ADSS2: variants seen among roughly 807,000 people sequenced by gnomAD.
ADSS2 encodes the protein adenylosuccinate synthetase isozyme 2.
ADSS2 carries 30 observed loss-of-function variants against 60.0 expected under a neutral mutation model. The observed-to-expected ratio is 0.50, with a 90% CI of 0.37 to 0.68. The LOEUF (loss-of-function observed/expected upper bound fraction) is 0.68, where lower values mean the gene tolerates loss of function less well. Among genes scored for constraint, ADSS2 ranks in the 30% least tolerant of loss-of-function variants. The pLI is 0.00. For missense variants in ADSS2, 373 were observed against 554.8 expected (o/e 0.67, Z 3.29); for synonymous variants, 187 against 193.1 (o/e 0.97, Z 0.26).
chr1:244,420,060 C>A, intron 8 of ADSS2, 110 bp downstream of exon 8: 1 of 1,171,252 alleles, frequency 8.5e-7, no homozygotes, highest in Non-Finnish European at 1.2e-6. Context: ...CCTGAATATA[C>A]AAGCTAAAAA....
chr1:244,439,987 C>T (rs1368526818), intron 1 of ADSS2, among the ~76,000 whole-genome samples: 1 of 152,170 alleles, frequency 6.6e-6, no homozygotes, highest in Admixed American at 6.5e-5. Flanking sequence ...CCTCGAAGCA[C>T]ACAGATTCTC....
In ADSS2 at chr1:244,424,021, C is replaced by T. The variant is rs757411387; in HGVS notation, c.513G>A (p.Ser171=). 1.7e-5 allele frequency: 28 copies of T among 1,613,282 alleles called. No individual in the cohort carries two copies. The highest frequency in any genetic ancestry group is 6.7e-5 in the Admixed American group (4 of 59,792). ...TTKKGIGPVY[S]SKAARSGLRM... ...TGAGTCCACTCCGAGCAGCTTTGGA[C>T]GAATAAACTGGGCCAATGCCCTTTT... Residue 171 remains serine, a synonymous_variant, in exon 6 of 13, where the codon TCG becomes TCA. Coordinates refer to ENST00000366535, the MANE Select transcript of ADSS2 (RefSeq NM_001126.5).
At chr1:244,414,927 CT>C (rs1215635832) in intron 11 of ADSS2, among the ~76,000 whole-genome samples, 2 of 152,242 alleles carry the variant, frequency 1.3e-5, no homozygotes, top group Non-Finnish European at 2.9e-5. Context: ...ATTGGCTGCA[CT>C]GTATTTCAAC....
At chr1:244,420,922 A>C (rs183192488) in intron 7 of ADSS2, among the ~76,000 whole-genome samples, 1 of 152,156 alleles carries the variant, frequency 6.6e-6, no homozygotes, top group Non-Finnish European at 1.5e-5. Flanking sequence ...GCTGTTCTCA[A>C]GTGATCCTCC....
chr1:244,420,139 C>A (rs765388497), intron 8 of ADSS2, 31 bp downstream of exon 8: 1 of 1,594,676 alleles, frequency 6.3e-7, no homozygotes, highest in Non-Finnish European at 8.6e-7. Context: ...CTCAGTTAAG[C>A]TCCCTTAACT....
chr1:244,451,621 C>G lies in ADSS2; in HGVS notation c.183+14G>C, dbSNP rs548684956. ...CCCGGGCCCGGCTTCCCATGAGAGG[C>G]CCCGTCGCCTCACCTGGCAGCGGCA... is the stretch of plus-strand genomic sequence containing the variant. On this transcript the variant is annotated intron_variant, in intron 1 of 12. Transcript: ENST00000366535. The surrounding 1 kb of genome is among the most constrained non-coding windows in gnomAD (Gnocchi z 6.6). The G allele has an allele frequency of 1.2e-6, 2 of 1,600,722 alleles. No individual in the cohort carries two copies. Among genetic ancestry groups the G allele is most frequent in the African/African-American group, 2.7e-5 (2 of 74,508 alleles).
intron 2 of ADSS2, 66 bp from the exon 3 acceptor site, chr1:244,436,959 C>T: frequency 7.3e-7 from 1 of 1,361,528 alleles, no homozygotes. Flanking sequence ...ACTTAAAGGA[C>T]ATTCTGATTT....
intron 1 of ADSS2, among the ~76,000 whole-genome samples, chr1:244,440,835 T>G (rs1665222106): frequency 6.6e-6 from 1 of 152,216 alleles, no homozygotes; most frequent in African/African-American, 2.4e-5. Flanking sequence ...TTTTAACAGT[T>G]GTATTTTACC....
At chr1:244,447,770 T>C (rs1665431600) in intron 1 of ADSS2, among the ~76,000 whole-genome samples, 1 of 152,194 alleles carries the variant, frequency 6.6e-6, no homozygotes, top group Non-Finnish European at 1.5e-5. Flanking sequence ...ATGCCACCAG[T>C]CAATTAAATT....
At chr1:244,426,507 ATC>A (rs1466551226) in intron 4 of ADSS2, among the ~76,000 whole-genome samples, 1 of 152,172 alleles carries the variant, frequency 6.6e-6, no homozygotes, top group Non-Finnish European at 1.5e-5. Flanking sequence ...GCCTTGGAAT[ATC>A]TGTTTCACTT....
chr1:244,425,025 C>G (rs1450972295), intron 4 of ADSS2: 1 of 152,434 alleles, frequency 6.6e-6, no homozygotes, highest in Non-Finnish European at 1.5e-5. Context: ...CTTTGCAGCC[C>G]TCAGCTACAA....
At chr1:244,432,659 T>C in intron 3 of ADSS2, 64 bp from the exon 4 acceptor site, 1 of 808,284 alleles carries the variant, frequency 1.2e-6, no homozygotes, top group Non-Finnish European at 1.9e-6. Flanking sequence ...AATCTTAATT[T>C]CTTTTTTTTT....
rs1177213097 is a variant in ADSS2, at chr1:244,420,234, T to C, written c.726A>G (p.Leu242=). 6 of 1,613,720 alleles carry C rather than the reference T, an allele frequency of 3.7e-6. No homozygotes were observed. In the South Asian group the frequency reaches 6.6e-5, roughly 18 times the overall value. The change falls in exon 8 of 13, where the codon CTA becomes CTG. Residue 242 remains leucine (L), a synonymous_variant. Coordinates refer to ENST00000366535, the MANE Select transcript of ADSS2 (RefSeq NM_001126.5). ...CCAAGATTTTCTTTGGTGGTCCATGTAGGGCCTCATATAGAAAATAAACTC... is the reference window on the plus strand; with the variant it reads ...CCAAGATTTTCTTTGGTGGTCCATGCAGGGCCTCATATAGAAAATAAACTC... ...RDGVYFLYEA[L]HGPPKKILVE...
rs1229075603 is a variant in ADSS2 at position 244,432,565 on chromosome 1, A to G, written c.386T>C (p.Ile129Thr). The G allele has an allele frequency of 1.3e-6, 2 of 1,582,976 alleles. No individual in the cohort carries two copies. Among genetic ancestry groups the G allele is most frequent in the Non-Finnish European group, 1.7e-6 (2 of 1,162,924 alleles). The change falls in exon 4 of 13, where the codon ATA (isoleucine) becomes ACA (threonine). Residue 129 changes from isoleucine to threonine, a missense_variant. Physicochemically the swap from Ile to Thr is moderately conservative, Grantham distance 89 (BLOSUM62 -1). Around this residue, in one of 5 missense-constraint regions of ADSS2, gnomAD observed 139 missense variants for 189.4 expected, o/e 0.73. Coordinates refer to ENST00000366535, the MANE Select transcript of ADSS2 (RefSeq NM_001126.5). ...GLEGWEKRLI[I>T]SDRAHIVFDF... is the part of the protein sequence containing the mutation. ...CTTACCAATATGAGCTCTGTCAGAT[A>G]TAATAAGCCTTTTTTCCCAGCCTTC... is the stretch of plus-strand genomic sequence containing the variant.
At chr1:244,436,974 C>A (rs761134009) in intron 2 of ADSS2, 81 bp from the exon 3 acceptor site, 5 of 1,159,118 alleles carry the variant, frequency 4.3e-6, no homozygotes, top group Non-Finnish European at 6.3e-6. Context: ...TGATTTACCA[C>A]GGTGTTACCA....
intron 1 of ADSS2, among the ~76,000 whole-genome samples, chr1:244,448,520 G>A (rs1000396051): frequency 2.0e-5 from 3 of 152,062 alleles, no homozygotes; most frequent in South Asian, 2.1e-4. Flanking sequence ...AGCCTTTCCC[G>A]ATCACAGGCA....
At chr1:244,422,797 G>T in intron 7 of ADSS2, 38 bp downstream of exon 7, 2 of 1,474,714 alleles carry the variant, frequency 1.4e-6, no homozygotes, top group Non-Finnish European at 1.9e-6. Context: ...TGGCAAACAA[G>T]TATTAAAAAG....
At chr1:244,417,285 G>A (rs568563113) in intron 10 of ADSS2, among the ~76,000 whole-genome samples, 6 of 152,122 alleles carry the variant, frequency 3.9e-5, no homozygotes, top group Non-Finnish European at 5.9e-5. Flanking sequence ...GCCCATGCGC[G>A]GATCACTAGG....
intron 11 of ADSS2, among the ~76,000 whole-genome samples, chr1:244,413,824 C>G (rs553830131): frequency 6.6e-6 from 1 of 152,264 alleles, no homozygotes; most frequent in Non-Finnish European, 1.5e-5. Flanking sequence ...TCCAGCACTG[C>G]TGGATTGAAG....
Sources: gnomAD v4.1 joint callset for allele counts (sites outside exome capture counted in the v4.1 genomes callset) on GRCh38, gnomAD v4.1.1 for gene constraint, gnomAD v4.1.1 regional missense constraint, Gnocchi (gnomAD v3.1) non-coding constraint, MANE v1.5 for transcripts, NCBI Gene and HGNC (gene_info 2026-07-23, HGNC 2026-07-21) for gene names.